Variants in IGFL4 observed in about 807,000 individuals in gnomAD.
The protein encoded by IGFL4 is insulin growth factor-like family member 4.
In IGFL4, 12 loss-of-function variants were observed where a neutral mutation model predicts 15.4. That is an observed-to-expected ratio of 0.78 (90% CI 0.50 to 1.26). The LOEUF (loss-of-function observed/expected upper bound fraction) is 1.26, where lower values mean the gene tolerates loss of function less well. Among genes scored for constraint, IGFL4 ranks in the 50% most tolerant of loss-of-function variants. The probability of loss-of-function intolerance (pLI) is 0.00; values close to 1 mark genes in which losing one functional copy is unlikely to be tolerated. For synonymous variants in IGFL4, 54 were observed against 55.9 expected (o/e 0.97, Z 0.16); for missense variants, 126 against 147.8 (o/e 0.85, Z 0.76).
chr19:46,040,305 A>G lies in IGFL4; in HGVS notation c.182T>C (p.Leu61Pro). The change falls in exon 3 of 4, where the codon CTC (leucine) becomes CCC (proline). Residue 61 changes from leucine to proline, a missense_variant. Leu to Pro is a moderately conservative substitution (Grantham distance 98). Coordinates refer to ENST00000377697, the MANE Select transcript of IGFL4 (RefSeq NM_001002923.3). This position sits in a 1 kb window ranked among gnomAD's most constrained non-coding sequence, Gnocchi z 4.1. The stretch of plus-strand genomic sequence containing the variant: ...CCAGAAGGTGCAGCTGGAGCCGCAG[A>G]GCCGGGTCTGGTTCAAGTCTAGGAT... ...GVILDLNQTR[L>P]CGSSCTFWPC... The G allele has an allele frequency of 6.2e-7, 1 of 1,614,130 alleles. No individual in the cohort carries two copies. Among genetic ancestry groups the G allele is most frequent in the East Asian group, 2.2e-5 (1 of 44,874 alleles).
At position 46,039,634 on chromosome 19, in the gene IGFL4, A is replaced by G; in HGVS notation, c.*258T>C. On this transcript the variant is annotated 3_prime_UTR_variant, in exon 4 of 4. Transcript: ENST00000377697. ...TCCCTTGTAAGTTGGATTCCTAGGT[A>G]TTTTATTCTCTGTGAAGCAATTGTG... The G allele has an allele frequency of 8.4e-6, 3 of 357,164 alleles. No individual in the cohort carries two copies. Among genetic ancestry groups the G allele is most frequent in the South Asian group, 2.4e-5 (1 of 41,218 alleles). 22.1% of individuals were successfully genotyped at this position (357,164 alleles called of 1,614,324 possible). A position where few individuals can be genotyped will look rare whatever the true frequency, so the allele number is the denominator to read the frequency against.
At chr19:46,043,034 C>A (rs1467940034), upstream of IGFL4, among the ~76,000 whole-genome samples, 1 of 151,906 alleles carries the variant, frequency 6.6e-6, no homozygotes, top group Middle Eastern at 3.2e-3. Context: ...GGCAGTAGGG[C>A]AGAGCCATTA....
intron 2 of IGFL4, among the ~76,000 whole-genome samples, chr19:46,057,263 G>A (rs957085966): frequency 2.0e-5 from 3 of 151,892 alleles, no homozygotes; most frequent in Admixed American, 6.6e-5. Flanking sequence ...CTTAAGCTTA[G>A]GAGTCTAGAG....
At chr19:46,050,601 C>A (rs1969336332) in intron 2 of IGFL4, among the ~76,000 whole-genome samples, 1 of 152,092 alleles carries the variant, frequency 6.6e-6, no homozygotes, top group Admixed American at 6.6e-5. Context: ...TTCAAACTAA[C>A]CCAATCCAAC....
At chr19:46,073,229 A>T (rs148181959) in intron 1 of IGFL4, among the ~76,000 whole-genome samples, 52 of 152,334 alleles carry the variant, frequency 3.4e-4, no homozygotes, top group African/African-American at 1.2e-3. Flanking sequence ...TTATTTCAAA[A>T]TGGCAGGTTA....
Position 46,040,904 on chromosome 19 carries a change from C to A in IGFL4, c.19+40G>T. 1 of 1,553,358 alleles carries A rather than the reference C, an allele frequency of 6.4e-7. No individual in the cohort carries two copies. Among genetic ancestry groups the A allele is most frequent in the Non-Finnish European group, 8.8e-7 (1 of 1,139,216 alleles). ...TCAGAAATAATTAGGGATGTGATAT[C>A]ATTAGGGATTAGCTTAGCCTAGGGC... On this transcript the variant is annotated intron_variant, in intron 1 of 3. Transcript: ENST00000377697. This position sits in a 1 kb window ranked among gnomAD's most constrained non-coding sequence, Gnocchi z 4.1.
At chr19:46,072,538 A>C (rs1263486580) in intron 1 of IGFL4, among the ~76,000 whole-genome samples, 2 of 152,234 alleles carry the variant, frequency 1.3e-5, no homozygotes, top group African/African-American at 4.8e-5. Flanking sequence ...TGCCAATGCC[A>C]TTGAAATATG....
Position 46,052,096 on chromosome 19 carries a change from A to G in IGFL4, c.-323+8089T>C, listed in dbSNP as rs370587559. 1.7e-3 allele frequency among the ~76,000 whole-genome samples: 257 copies of G among 152,326 alleles called. 1 individual carries two copies. The highest frequency in any genetic ancestry group is 5.8e-3 in the African/African-American group (241 of 41,562). ...GGTCATCAAGGCAGAAGGTCAACAA[A>G]GAAACAATGGACTTAAGCTATACCC... On this transcript the variant is annotated intron_variant, in intron 2 of 5. Transcript: ENST00000601672.
At chr19:46,061,911 G>A (rs1026454263) in intron 1 of IGFL4, among the ~76,000 whole-genome samples, 2 of 152,120 alleles carry the variant, frequency 1.3e-5, no homozygotes, top group Admixed American at 1.3e-4. Flanking sequence ...ACACACCAGA[G>A]TTCTCTCATA....
At chr19:46,060,264 C>T (rs1969432395) in exon 2 of IGFL4, 1 of 152,176 alleles carries the variant, frequency 6.6e-6, no homozygotes, top group African/African-American at 2.4e-5. Flanking sequence ...GTTAAGCTGT[C>T]AGTAGCTCAA....
chr19:46,061,175 A>G (rs928972501), intron 1 of IGFL4, among the ~76,000 whole-genome samples: 1 of 152,194 alleles, frequency 6.6e-6, no homozygotes, highest in African/African-American at 2.4e-5. Flanking sequence ...AAAACTTAAA[A>G]CAATCCTTCA....
chr19:46,039,481 G>A lies in IGFL4; in HGVS notation c.*411C>T, dbSNP rs1969213515. On this transcript the variant is annotated 3_prime_UTR_variant, in exon 4 of 4. Transcript: ENST00000377697. Reference sequence around the variant, plus strand: ...GCATTGAATCTGTAAATTACCTTGGGCAGTATGGCCATTTTCACGATATTG... The same window carrying A: ...GCATTGAATCTGTAAATTACCTTGGACAGTATGGCCATTTTCACGATATTG... 8.3e-6 allele frequency among the ~76,000 whole-genome samples: 1 copy of A among 120,728 alleles called. No homozygotes were observed. The highest frequency in any genetic ancestry group is 3.1e-4 in the South Asian group (1 of 3,202). The allele number at this position is 120,728 out of a possible 152,430, so 79.2% of individuals were successfully genotyped here. A position where few individuals can be genotyped will look rare whatever the true frequency, so the allele number is the denominator to read the frequency against.
upstream of IGFL4, among the ~76,000 whole-genome samples, chr19:46,045,510 A>T (rs1353897817): frequency 6.6e-6 from 1 of 151,934 alleles, no homozygotes; most frequent in Non-Finnish European, 1.5e-5. Context: ...GTTGTATCCC[A>T]TTGCAAATAA....
intron 1 of IGFL4, among the ~76,000 whole-genome samples, chr19:46,075,538 GATTAGACTGACATT>G (rs1277615113): frequency 6.6e-6 from 1 of 152,134 alleles, no homozygotes; most frequent in Non-Finnish European, 1.5e-5. Context: ...TCCCTCTAAT[GATTAGACTGACATT>G]ATTGGTTTTG....
At chr19:46,044,830 C>T (rs185207016), upstream of IGFL4, among the ~76,000 whole-genome samples, 31 of 152,186 alleles carry the variant, frequency 2.0e-4, no homozygotes, top group African/African-American at 7.0e-4. Context: ...ACGGGAAAAA[C>T]GGAGGCAACC....
At chr19:46,052,749 G>A (rs1969356794) in intron 2 of IGFL4, among the ~76,000 whole-genome samples, 1 of 150,154 alleles carries the variant, frequency 6.7e-6, no homozygotes, top group African/African-American at 2.4e-5. Context: ...ATTAATCCCA[G>A]CCTAAAAAGG....
upstream of IGFL4, among the ~76,000 whole-genome samples, chr19:46,044,746 C>T (rs990820417): frequency 6.6e-6 from 1 of 152,120 alleles, no homozygotes; most frequent in Admixed American, 6.5e-5. Context: ...ACGTTTGGGT[C>T]AACAACTGGT....
At chr19:46,071,622 T>C (rs527856056) in intron 1 of IGFL4, among the ~76,000 whole-genome samples, 1 of 152,342 alleles carries the variant, frequency 6.6e-6, no homozygotes, top group East Asian at 1.9e-4. Context: ...CTGCTGATCA[T>C]GGACACCAGC....
chr19:46,061,599 C>T (rs1262758689), intron 1 of IGFL4, among the ~76,000 whole-genome samples: 1 of 152,092 alleles, frequency 6.6e-6, no homozygotes, highest in African/African-American at 2.4e-5. Flanking sequence ...AACAGATCCC[C>T]AAAAATTAAG....
Sources: gnomAD v4.1 joint callset for allele counts (sites outside exome capture counted in the v4.1 genomes callset) on GRCh38, gnomAD v4.1.1 for gene constraint, Gnocchi (gnomAD v3.1) non-coding constraint, MANE v1.5 for transcripts, NCBI Gene and HGNC (gene_info 2026-07-23, HGNC 2026-07-21) for gene names.